The following ZFHX3 variants were observed in gnomAD, a reference collection of about 807,000 sequenced individuals.
ZFHX3 encodes the protein zinc finger homeobox 3.
In ZFHX3, 42 loss-of-function variants were observed where a neutral mutation model predicts 279.1. The ratio of observed to expected loss-of-function variants is 0.15; its 90% CI spans 0.12 to 0.19. ZFHX3 has a LOEUF of 0.19. Among genes scored for constraint, ZFHX3 ranks in the 10% least tolerant of loss-of-function variants. ZFHX3 has a pLI of 1.00. For synonymous variants in ZFHX3, 2,293 were observed against 1,957.8 expected (o/e 1.17, Z -4.52); for missense variants, 4,981 against 4,754.0 (o/e 1.05, Z -1.40).
intron 1 of ZFHX3, among the ~76,000 whole-genome samples, chr16:73,857,440 G>A (rs1203476626): frequency 6.6e-6 from 1 of 152,138 alleles, no homozygotes; most frequent in African/African-American, 2.4e-5. Context: ...CCTCTCTTTA[G>A]CATAAAGTAA....
intron 2 of ZFHX3, among the ~76,000 whole-genome samples, chr16:73,582,573 C>T (rs1022083743): frequency 2.6e-5 from 4 of 151,886 alleles, no homozygotes; most frequent in Non-Finnish European, 4.4e-5. Context: ...CTCCTGGGTT[C>T]AAGCGATTCT....
intron 1 of ZFHX3, among the ~76,000 whole-genome samples, chr16:73,044,056 G>C (rs955052945): frequency 6.6e-6 from 1 of 152,174 alleles, no homozygotes; most frequent in African/African-American, 2.4e-5. Context: ...GCTTTGGACA[G>C]AACAGGCGCC....
intron 5 of ZFHX3, among the ~76,000 whole-genome samples, chr16:72,828,378 T>C (rs914210180): frequency 6.6e-6 from 1 of 152,234 alleles, no homozygotes; most frequent in Non-Finnish European, 1.5e-5. Context: ...TCAAAAACCC[T>C]AAGCTTTTTT....
chr16:73,022,185 A>T (rs1964324550), intron 1 of ZFHX3, among the ~76,000 whole-genome samples: 1 of 151,980 alleles, frequency 6.6e-6, no homozygotes, highest in Non-Finnish European at 1.5e-5. Flanking sequence ...TTTTGCCCCC[A>T]TTGGAGTATC....
At position 72,945,666 on chromosome 16, in the gene ZFHX3, C is replaced by T. The variant is rs143265633; in HGVS notation, c.3216+4803G>A. On this transcript the variant is annotated intron_variant, in intron 3 of 9. Coordinates refer to ENST00000268489, the MANE Select transcript of ZFHX3 (RefSeq NM_006885.4). ...AGGTGGCAGAAGTATGTACTTAAAACAAACAAAAAAAATAGTCTAATAATG... is the reference window on the plus strand; with the variant it reads ...AGGTGGCAGAAGTATGTACTTAAAATAAACAAAAAAAATAGTCTAATAATG... Among the ~76,000 whole-genome samples the T allele has an allele frequency of 5.1e-3, 770 of 151,890 alleles. 9 individuals carry two copies. Among genetic ancestry groups the T allele is most frequent in the African/African-American group, 0.018 (733 of 41,362 alleles).
At chr16:73,153,128 C>A (rs1015208197) in intron 5 of ZFHX3, among the ~76,000 whole-genome samples, 1 of 152,062 alleles carries the variant, frequency 6.6e-6, no homozygotes, top group Non-Finnish European at 1.5e-5. Flanking sequence ...TCCAGCCCCA[C>A]CACCCCAAAC....
chr16:73,581,659 C>CCTTTT (rs2051861771), intron 2 of ZFHX3, among the ~76,000 whole-genome samples: 3 of 73,428 alleles, frequency 4.1e-5, no homozygotes, highest in African/African-American at 1.7e-4. Flanking sequence ...TCGAATGTCT[C>CCTTTT]TTTTTTTTTT....
At chr16:73,809,592 T>C (rs1960374027) in intron 1 of ZFHX3, 1 of 152,086 alleles carries the variant, frequency 6.6e-6, no homozygotes, top group African/African-American at 2.4e-5. Flanking sequence ...GTGCATTGAC[T>C]GGGGGAGTCG....
rs773612089 is a variant in ZFHX3 at position 72,795,933 on chromosome 16, G to A, written c.6749C>T (p.Thr2250Met). ...CTGTAAGACCCTCAGCTGGTAGTCC[G>A]TAAACCTTGTTCTTGAAGACCTCTT... Reference protein sequence around the residue: ...GSKRSSRTRFTDYQLRVLQDF... With the variant: ...GSKRSSRTRFMDYQLRVLQDF... Residue 2250 changes from threonine to methionine, a missense_variant, in exon 9 of 10, where the codon ACG (threonine) becomes ATG (methionine). Physicochemically the swap from Thr to Met is moderately conservative, Grantham distance 81. Transcript: ENST00000268489. 2.5e-6 allele frequency: 4 copies of A among 1,614,150 alleles called. No individual in the cohort carries two copies. Among genetic ancestry groups the A allele is most frequent in the East Asian group, 2.2e-5 (1 of 44,866 alleles).
chr16:73,483,811 A>G (rs1404521028), intron 2 of ZFHX3, among the ~76,000 whole-genome samples: 1 of 152,032 alleles, frequency 6.6e-6, no homozygotes. Context: ...TCCCATTAGG[A>G]GTCCTGCAAA....
At chr16:73,487,573 T>A (rs571565426) in intron 2 of ZFHX3, 1 of 317,480 alleles carries the variant, frequency 3.1e-6, no homozygotes, top group East Asian at 9.0e-5. Flanking sequence ...GCTAATTTTT[T>A]ATTTTTATTA....
chr16:73,770,598 G>A (rs573704306), intron 1 of ZFHX3, among the ~76,000 whole-genome samples: 2 of 152,294 alleles, frequency 1.3e-5, no homozygotes, highest in Admixed American at 6.5e-5. Flanking sequence ...AAGATATTGA[G>A]ATGATCAACC....
At chr16:73,117,893 A>G (rs1233528324) in intron 7 of ZFHX3, among the ~76,000 whole-genome samples, 2 of 152,192 alleles carry the variant, frequency 1.3e-5, no homozygotes, top group Admixed American at 1.3e-4. Flanking sequence ...GTGAGCCCTC[A>G]CCAGAAACCA....
intron 1 of ZFHX3, among the ~76,000 whole-genome samples, chr16:73,874,113 G>C (rs1025163619): frequency 6.6e-6 from 1 of 151,944 alleles, no homozygotes; most frequent in African/African-American, 2.4e-5. Context: ...CATATTATAG[G>C]CACATATGTA....
At position 73,028,602 on chromosome 16, in the gene ZFHX3, C is replaced by T. The variant is rs557545598; in HGVS notation, c.-50+19150G>A. Among the ~76,000 whole-genome samples the T allele has an allele frequency of 7.3e-4, 111 of 152,300 alleles. 1 individual carries two copies. The highest frequency in any genetic ancestry group is 2.4e-4 in the Non-Finnish European group (16 of 68,028). On this transcript the variant is annotated intron_variant, in intron 1 of 9. Coordinates refer to ENST00000268489, the MANE Select transcript of ZFHX3 (RefSeq NM_006885.4). ...CAGACAGGGGACGATTGTTAGAACT[C>T]AAGACACAGAATTCCATCTCCAATA... is the stretch of plus-strand genomic sequence containing the variant.
At chr16:73,834,153 T>A (rs763772901) in intron 1 of ZFHX3, among the ~76,000 whole-genome samples, 1 of 152,180 alleles carries the variant, frequency 6.6e-6, no homozygotes, top group Non-Finnish European at 1.5e-5. Context: ...GATTCTGGAA[T>A]GTCTGGACTG....
At position 72,908,128 on chromosome 16, in the gene ZFHX3, C is replaced by G. The variant is rs72795117; in HGVS notation, c.3217-18166G>C. Among the ~76,000 whole-genome samples, 1,015 of 152,232 alleles carry G rather than the reference C, an allele frequency of 6.7e-3. 8 individuals are homozygous for G. The highest frequency in any genetic ancestry group is 8.5e-3 in the Non-Finnish European group (576 of 68,028). On this transcript the variant is annotated intron_variant, in intron 3 of 9. Transcript: ENST00000268489. ...TGCTGCCCTGAGTGCTGGTAATCAG[C>G]TTTATGTATGTGGCACACCCCCCAG...
chr16:73,501,346 G>A (rs931769927), intron 2 of ZFHX3, among the ~76,000 whole-genome samples: 1 of 152,154 alleles, frequency 6.6e-6, no homozygotes, highest in South Asian at 2.1e-4. Flanking sequence ...ACACACTCAC[G>A]TACAGACAAT....
intron 3 of ZFHX3, among the ~76,000 whole-genome samples, chr16:73,417,742 G>T (rs1226683754): frequency 3.3e-5 from 5 of 151,836 alleles, no homozygotes; most frequent in African/African-American, 1.2e-4. Context: ...GGAGGCTGAA[G>T]CGGGTGGATC....
Sources: allele counts gnomAD v4.1 joint callset (sites outside exome capture counted in the v4.1 genomes callset), GRCh38; gene constraint gnomAD v4.1.1; transcripts MANE v1.5; gene names NCBI Gene and HGNC (gene_info 2026-07-23, HGNC 2026-07-21).